HMCN1: variants seen among roughly 807,000 people sequenced by gnomAD.
HMCN1 encodes the protein hemicentin 1, also known as hemicentin-1.
Under a neutral mutation model 625.9 loss-of-function variants are expected in HMCN1, and 321 were observed. The ratio of observed to expected loss-of-function variants is 0.51; its 90% confidence interval spans 0.47 to 0.56. The LOEUF (loss-of-function observed/expected upper bound fraction) is 0.56, where lower values mean the gene tolerates loss of function less well. Ranked by LOEUF, HMCN1 falls within the 20% of genes least tolerant of loss-of-function variation. The pLI, the probability that HMCN1 is intolerant of heterozygous loss-of-function variation, is 0.00. For synonymous variants in HMCN1, 2,425 were observed against 2,417.6 expected, an observed-to-expected ratio of 1.00 and a Z score of -0.09; for missense variants, 6,588 against 6,887.3, an observed-to-expected ratio of 0.96 and a Z score of 1.54.
intron 80 of HMCN1, among the ~76,000 whole-genome samples, chr1:186,120,967 G>T (rs1661370369): frequency 1.3e-5 from 2 of 152,160 alleles, no homozygotes; most frequent in African/African-American, 2.4e-5. Flanking sequence ...GAAGAATAAT[G>T]GGAATATGTG....
intron 16 of HMCN1, 86 bp downstream of exon 16, chr1:185,978,067 T>A: frequency 1.0e-6 from 1 of 969,434 alleles, no homozygotes; most frequent in Non-Finnish European, 1.6e-6. Context: ...CTATTTAAAA[T>A]AGTATATTAA....
intron 1 of HMCN1, among the ~76,000 whole-genome samples, chr1:185,779,491 A>G (rs1337895974): frequency 1.3e-5 from 2 of 152,244 alleles, no homozygotes; most frequent in Non-Finnish European, 2.9e-5. Flanking sequence ...TCTAACATTT[A>G]AGTCTTTAAT....
chr1:186,098,170 A>G (rs1488581366), intron 68 of HMCN1, among the ~76,000 whole-genome samples: 2 of 152,146 alleles, frequency 1.3e-5, no homozygotes, highest in African/African-American at 2.4e-5. Flanking sequence ...AAGAACTCAA[A>G]AGCATGGGCA....
intron 71 of HMCN1, among the ~76,000 whole-genome samples, chr1:186,109,267 A>G (rs1660767004): frequency 6.6e-6 from 1 of 152,236 alleles, no homozygotes. Flanking sequence ...TTAATTATAA[A>G]AAGGAGATTA....
At position 185,779,688 on chromosome 1, in the gene HMCN1, T is replaced by A. The variant is rs151045920; in HGVS notation, c.268+44641T>A. 9.2e-3 allele frequency among the ~76,000 whole-genome samples: 1,406 copies of A among 152,340 alleles called. 21 individuals carry two copies. Among genetic ancestry groups the A allele is most frequent in the African/African-American group, 0.03 (1,263 of 41,572 alleles). ...GTGGTATTATTACTGAGAGCTCTGT[T>A]CTGTTCCATTGGCCTATATCTCTGT... On this transcript the variant is annotated intron_variant, in intron 1 of 106. Transcript: ENST00000271588.
chr1:186,119,210 C>A lies in HMCN1; in HGVS notation c.11868C>A (p.Ala3956=). The A allele has an allele frequency of 6.2e-7, 1 of 1,613,498 alleles. No homozygotes were observed. Among genetic ancestry groups the A allele is most frequent in the Non-Finnish European group, 8.5e-7 (1 of 1,179,548 alleles). The change falls in exon 78 of 107, where the codon GCC becomes GCA. Residue 3956 remains alanine (A), a synonymous_variant. Coordinates refer to ENST00000271588, the MANE Select transcript of HMCN1 (RefSeq NM_031935.3). The part of the protein sequence containing the change: ...ILSSGAIEIL[A]TQLNHAGRYT... ...TTTTAGGAGCAATTGAAATACTTGC[C>A]ACCCAATTAAACCATGCTGGAAGAT...
At chr1:186,062,624 T>C in intron 48 of HMCN1, 24 bp downstream of exon 48, 2 of 1,507,196 alleles carry the variant, frequency 1.3e-6, no homozygotes. Flanking sequence ...TCTCAGACTT[T>C]TGGTGCTCCC....
chr1:185,905,925 C>T (rs1666074178), intron 4 of HMCN1, among the ~76,000 whole-genome samples: 1 of 151,784 alleles, frequency 6.6e-6, no homozygotes, highest in Admixed American at 6.6e-5. Flanking sequence ...TAAACTGTTA[C>T]AAATTGTCAG....
chr1:186,186,740 G>A (rs1303023658), intron 105 of HMCN1, among the ~76,000 whole-genome samples: 2 of 152,118 alleles, frequency 1.3e-5, no homozygotes, highest in Non-Finnish European at 2.9e-5. Flanking sequence ...CAGGCAAATT[G>A]ACTTTAGAGA....
intron 97 of HMCN1, among the ~76,000 whole-genome samples, chr1:186,157,326 A>G (rs1651087563): frequency 6.6e-6 from 1 of 152,194 alleles, no homozygotes; most frequent in Non-Finnish European, 1.5e-5. Flanking sequence ...AAATTGTAAC[A>G]TAATTCAAAG....
intron 1 of HMCN1, among the ~76,000 whole-genome samples, chr1:185,815,642 A>G (rs1659799989): frequency 2.0e-5 from 3 of 149,974 alleles, no homozygotes; most frequent in Admixed American, 2.0e-4. Flanking sequence ...CTTAATATCA[A>G]CACTAGCAGT....
intron 16 of HMCN1, among the ~76,000 whole-genome samples, chr1:185,979,570 A>G (rs1651473905): frequency 6.6e-6 from 1 of 152,226 alleles, no homozygotes; most frequent in Non-Finnish European, 1.5e-5. Flanking sequence ...TTCTACACAA[A>G]TTAGCCCAAG....
At chr1:185,784,503 C>G (rs1339628555) in intron 1 of HMCN1, among the ~76,000 whole-genome samples, 1 of 151,868 alleles carries the variant, frequency 6.6e-6, no homozygotes, top group Non-Finnish European at 1.5e-5. Flanking sequence ...ACCGCCCCCA[C>G]TTTTCTCTTT....
chr1:185,864,259 T>C (rs764389607), intron 2 of HMCN1, among the ~76,000 whole-genome samples: 11 of 152,236 alleles, frequency 7.2e-5, no homozygotes, highest in Non-Finnish European at 1.5e-4. Context: ...TTGTGTGTTT[T>C]GGGTGAATTT....
At chr1:186,161,453 A>C (rs559871360) in intron 97 of HMCN1, among the ~76,000 whole-genome samples, 168 of 151,016 alleles carry the variant, frequency 1.1e-3, no homozygotes, top group East Asian at 5.0e-3. Context: ...GTGAATTTGA[A>C]CCTGTCATTA....
intron 57 of HMCN1, among the ~76,000 whole-genome samples, chr1:186,085,869 A>G (rs998583529): frequency 9.2e-5 from 14 of 152,080 alleles, no homozygotes; most frequent in African/African-American, 3.1e-4. Flanking sequence ...TGAAATTCTC[A>G]CTATTATCTC....
intron 100 of HMCN1, among the ~76,000 whole-genome samples, chr1:186,168,049 T>C (rs1256333334): frequency 6.6e-6 from 1 of 151,650 alleles, no homozygotes; most frequent in Admixed American, 6.6e-5. Flanking sequence ...AAAATCCAGA[T>C]GTAGGAAGGT....
chr1:185,925,681 A>ATG (rs1490449835), intron 9 of HMCN1, among the ~76,000 whole-genome samples: 1 of 152,140 alleles, frequency 6.6e-6, no homozygotes, highest in Non-Finnish European at 1.5e-5. Flanking sequence ...GGTGGAGTGG[A>ATG]TGTAGCATTG....
At chr1:185,928,990 A>C (rs1667413107) in intron 10 of HMCN1, among the ~76,000 whole-genome samples, 1 of 152,180 alleles carries the variant, frequency 6.6e-6, no homozygotes, top group Admixed American at 6.6e-5. Context: ...AGTCTGCCAC[A>C]GAGAAGCACT....
Sources: gnomAD v4.1 joint callset for allele counts (sites outside exome capture counted in the v4.1 genomes callset) on GRCh38, gnomAD v4.1.1 for gene constraint, MANE v1.5 for transcripts, NCBI Gene and HGNC (gene_info 2026-07-23, HGNC 2026-07-21) for gene names.